MIPEP: variants seen among roughly 807,000 people sequenced by gnomAD.
The protein encoded by MIPEP is mitochondrial intermediate peptidase.
Under a neutral mutation model 90.3 loss-of-function variants are expected in MIPEP, and 79 were observed. That is an observed-to-expected ratio of 0.87 (90% CI 0.73 to 1.05). The LOEUF (loss-of-function observed/expected upper bound fraction) is 1.05, where lower values mean the gene tolerates loss of function less well. MIPEP is among the 50% of genes least tolerant of loss of function. The pLI is 0.00. For synonymous variants in MIPEP, 334 were observed against 315.8 expected, an observed-to-expected ratio of 1.06 and a Z score of -0.61; for missense variants, 940 against 905.6, an observed-to-expected ratio of 1.04 and a Z score of -0.49.
At chr13:23,778,008 C>G (rs994284089) in intron 16 of MIPEP, among the ~76,000 whole-genome samples, 23 of 152,142 alleles carry the variant, frequency 1.5e-4, no homozygotes, top group African/African-American at 5.3e-4. Flanking sequence ...TTATAGACAT[C>G]TATTGCTTCC....
At chr13:23,736,825 C>A (rs1952269803) in intron 18 of MIPEP, among the ~76,000 whole-genome samples, 1 of 152,130 alleles carries the variant, frequency 6.6e-6, no homozygotes, top group South Asian at 2.1e-4. Flanking sequence ...AGCACTGATC[C>A]ATGGTCTCCT....
intron 16 of MIPEP, among the ~76,000 whole-genome samples, chr13:23,788,888 T>C (rs1198379498): frequency 1.3e-5 from 2 of 152,216 alleles, no homozygotes; most frequent in Non-Finnish European, 2.9e-5. Context: ...TATGAACAAA[T>C]ATAAAATTAT....
chr13:23,811,582 T>TTTCTA (rs954334831), intron 14 of MIPEP, among the ~76,000 whole-genome samples: 2 of 152,192 alleles, frequency 1.3e-5, no homozygotes, highest in African/African-American at 4.8e-5. Context: ...TAAGCTTGCT[T>TTTCTA]TTCTATAAGT....
chr13:23,839,075 G>A (rs1869182466), intron 12 of MIPEP, among the ~76,000 whole-genome samples: 1 of 152,228 alleles, frequency 6.6e-6, no homozygotes, highest in Non-Finnish European at 1.5e-5. Flanking sequence ...GGCTGTCAAA[G>A]TCGGCCAATG....
intron 5 of MIPEP, among the ~76,000 whole-genome samples, chr13:23,870,721 C>T (rs1273024697): frequency 2.0e-5 from 3 of 152,078 alleles, no homozygotes; most frequent in African/African-American, 7.2e-5. Flanking sequence ...ACGAGAATCG[C>T]TCGAACCCAG....
At chr13:23,772,439 A>ACC (rs1952663452) in intron 16 of MIPEP, among the ~76,000 whole-genome samples, 1 of 152,226 alleles carries the variant, frequency 6.6e-6, no homozygotes, top group Non-Finnish European at 1.5e-5. Flanking sequence ...ATTCAATACC[A>ACC]TTAGTTAAAA....
At chr13:23,816,083 T>C (rs1436505451) in intron 14 of MIPEP, among the ~76,000 whole-genome samples, 2 of 152,370 alleles carry the variant, frequency 1.3e-5, no homozygotes, top group South Asian at 4.1e-4. Context: ...TAAGGTTTTC[T>C]CTTTATCTTT....
At chr13:23,746,506 C>T (rs566010844) in intron 18 of MIPEP, among the ~76,000 whole-genome samples, 20 of 151,672 alleles carry the variant, frequency 1.3e-4, no homozygotes, top group African/African-American at 4.8e-4. Context: ...TGGTGGCACA[C>T]GCCTGTAATC....
In MIPEP at chr13:23,837,613, G is replaced by A. The variant is rs1245762317; in HGVS notation, c.1482C>T (p.Phe494=). Residue 494 remains phenylalanine, a synonymous_variant, in exon 13 of 19, where the codon TTC becomes TTT. Transcript: ENST00000382172. The part of the protein sequence containing the change: ...LLTPSMMENL[F]HEMGHAMHSM... ...AATGCATGGCATGTCCCATTTCATG[G>A]AAAAGATTTTCCATCATGCTAGGAG... The A allele has an allele frequency of 2.5e-6, 4 of 1,614,082 alleles. No homozygotes were observed. The South Asian group carries it at 4.4e-5, about 18-fold the overall frequency.
chr13:23,750,072 G>T (rs1353210995), intron 18 of MIPEP, among the ~76,000 whole-genome samples: 2 of 147,538 alleles, frequency 1.4e-5, no homozygotes, highest in Non-Finnish European at 3.0e-5. Flanking sequence ...TCCCAAGGAG[G>T]TTCTTTGTTT....
At chr13:23,792,186 G>A (rs1952903843) in intron 16 of MIPEP, among the ~76,000 whole-genome samples, 1 of 152,118 alleles carries the variant, frequency 6.6e-6, no homozygotes, top group African/African-American at 2.4e-5. Flanking sequence ...TCTTGGGGTT[G>A]ATCTCACCCA....
chr13:23,813,026 T>C (rs749202142), intron 14 of MIPEP, among the ~76,000 whole-genome samples: 1 of 152,172 alleles, frequency 6.6e-6, no homozygotes, highest in African/African-American at 2.4e-5. Context: ...AGTTTGATTG[T>C]TAGTCAACTG....
chr13:23,775,109 CTGTGTGTGTGTGTGTGTGTGTGTG>C (rs57354012), intron 16 of MIPEP, among the ~76,000 whole-genome samples: 1 of 149,094 alleles, frequency 6.7e-6, no homozygotes, highest in Non-Finnish European at 1.5e-5. Context: ...TATCAGTTCT[CTGTGTGTGTGTGTGTGTGTGTGTG>C]TGTGTGTGTG....
At chr13:23,822,516 A>G (rs1953318536) in intron 14 of MIPEP, among the ~76,000 whole-genome samples, 1 of 152,222 alleles carries the variant, frequency 6.6e-6, no homozygotes, top group Non-Finnish European at 1.5e-5. Context: ...GCATTCAATG[A>G]CTTAAACTTA....
At chr13:23,853,859 C>T in intron 10 of MIPEP, among the ~76,000 whole-genome samples, 1 of 151,792 alleles carries the variant, frequency 6.6e-6, no homozygotes, top group East Asian at 2.0e-4. Context: ...AGCCACTGTG[C>T]CCAGCCCACG....
At chr13:23,754,817 A>G (rs1462024135) in intron 18 of MIPEP, among the ~76,000 whole-genome samples, 1 of 152,190 alleles carries the variant, frequency 6.6e-6, no homozygotes, top group Non-Finnish European at 1.5e-5. Context: ...CACCAGCCAA[A>G]AGTATACAAT....
At chr13:23,778,496 G>A (rs1227326009) in intron 16 of MIPEP, among the ~76,000 whole-genome samples, 2 of 152,068 alleles carry the variant, frequency 1.3e-5, no homozygotes, top group Non-Finnish European at 2.9e-5. Flanking sequence ...CTGGTGGCCT[G>A]GCCAATGGCT....
At chr13:23,818,795 T>A (rs933635656) in intron 14 of MIPEP, among the ~76,000 whole-genome samples, 1 of 152,212 alleles carries the variant, frequency 6.6e-6, no homozygotes. Flanking sequence ...TAATTTAAAA[T>A]ATGTAAGGCA....
chr13:23,818,256 A>T (rs1277112909), intron 14 of MIPEP, among the ~76,000 whole-genome samples: 40 of 58,658 alleles, frequency 6.8e-4, no homozygotes, highest in African/African-American at 3.9e-3. Flanking sequence ...GTATCTACTT[A>T]AAAAAAAAAA....
Sources: allele counts gnomAD v4.1 joint callset (sites outside exome capture counted in the v4.1 genomes callset), GRCh38; gene constraint gnomAD v4.1.1; transcripts MANE v1.5; gene names NCBI Gene and HGNC (gene_info 2026-07-23, HGNC 2026-07-21).